Variants in SLC35E2B observed in about 807,000 individuals in gnomAD.
SLC35E2B encodes the protein solute carrier family 35 member E2B, also known as solute carrier family 35, member E2B.
Under a neutral mutation model 32.4 loss-of-function variants are expected in SLC35E2B, and 18 were observed. The ratio of observed to expected loss-of-function variants is 0.56; its 90% CI spans 0.38 to 0.82. The LOEUF (loss-of-function observed/expected upper bound fraction) is 0.82, where lower values mean the gene tolerates loss of function less well. SLC35E2B is among the 40% of genes least tolerant of loss of function. The pLI, the probability that SLC35E2B is intolerant of heterozygous loss-of-function variation, is 0.00. For synonymous variants in SLC35E2B, 132 were observed against 209.1 expected (o/e 0.63, Z 3.18); for missense variants, 263 against 469.5 (o/e 0.56, Z 4.06).
rs780556613 is a variant in SLC35E2B at position 1,665,881 on chromosome 1, G to A, written c.1119C>T (p.His373=). 22 of 1,551,032 alleles carry A rather than the reference G, an allele frequency of 1.4e-5. No individual in the cohort carries two copies. The South Asian group carries it at 2.1e-4, about 15-fold the overall frequency. Residue 373 remains histidine, a synonymous_variant, in exon 10 of 10, where the codon CAC becomes CAT. Coordinates refer to ENST00000617444, the MANE Select transcript of SLC35E2B (RefSeq NM_001290264.2). ...CCAGGCTCTGCAGCGCCTCCTGCTGGTGTTGCCTGGCTTTGTTGTAGAGCA... is the reference window on the plus strand; with the variant it reads ...CCAGGCTCTGCAGCGCCTCCTGCTGATGTTGCCTGGCTTTGTTGTAGAGCA... ...GVLLYNKARQ[H]QQEALQSLAA...
intron 8 of SLC35E2B, 126 bp downstream of exon 8, chr1:1,669,538 G>C (rs1208020791): frequency 3.2e-6 from 3 of 932,238 alleles, no homozygotes; most frequent in African/African-American, 3.3e-5. Context: ...CAGCTAAGCA[G>C]GACCCGCAGC....
At chr1:1,687,775 G>A (rs1212708591) in intron 2 of SLC35E2B, among the ~76,000 whole-genome samples, 1 of 151,078 alleles carries the variant, frequency 6.6e-6, no homozygotes, top group Non-Finnish European at 1.5e-5. Flanking sequence ...GGTGCCTGTA[G>A]TCCCAGCCAC....
At chr1:1,667,723 C>T (rs1412208232) in intron 9 of SLC35E2B, among the ~76,000 whole-genome samples, 3 of 152,200 alleles carry the variant, frequency 2.0e-5, no homozygotes, top group African/African-American at 2.4e-5. Context: ...CTAGTCGCAA[C>T]GCCCGACTAT....
intron 2 of SLC35E2B, among the ~76,000 whole-genome samples, chr1:1,681,766 C>T (rs538921390): frequency 1.3e-5 from 2 of 149,378 alleles, no homozygotes; most frequent in East Asian, 2.0e-4. Context: ...CAGAGGGATC[C>T]CGAGGTCAGG....
intron 5 of SLC35E2B, among the ~76,000 whole-genome samples, 155 bp from the exon 6 acceptor site, chr1:1,671,784 C>T (rs1643699977): frequency 1.3e-5 from 2 of 152,206 alleles, no homozygotes; most frequent in African/African-American, 4.8e-5. Context: ...TGAGATAAAG[C>T]AAATCAAAGT....
chr1:1,689,169 C>CA lies in SLC35E2B; in HGVS notation c.-148+1806dup, dbSNP rs202131897. 3.1e-3 allele frequency among the ~76,000 whole-genome samples: 462 copies of CA among 149,534 alleles called. 4 individuals carry two copies. The highest frequency in any genetic ancestry group is 8.7e-3 in the African/African-American group (352 of 40,660). ...CCTGGCTGACAGAGCGAGACTGTCT[C>CA]AAAAAAAAACAAACAAACAGGTCTG... On this transcript the variant is annotated intron_variant, in intron 2 of 9. Coordinates refer to ENST00000617444, the MANE Select transcript of SLC35E2B (RefSeq NM_001290264.2).
At chr1:1,671,912 T>C in intron 5 of SLC35E2B, 1 of 269,402 alleles carries the variant, frequency 3.7e-6, no homozygotes, top group Non-Finnish European at 7.0e-6. Context: ...GAAACCTTCC[T>C]GATTCTGTGA....
At chr1:1,667,957 A>C (rs1643587864) in intron 9 of SLC35E2B, among the ~76,000 whole-genome samples, 1 of 150,482 alleles carries the variant, frequency 6.6e-6, no homozygotes, top group South Asian at 2.1e-4. Flanking sequence ...GATTCAAGTG[A>C]TTCTCCTGCC....
chr1:1,685,706 GC>G (rs968760454), intron 2 of SLC35E2B, among the ~76,000 whole-genome samples: 1 of 152,166 alleles, frequency 6.6e-6, no homozygotes, highest in Non-Finnish European at 1.5e-5. Flanking sequence ...AGCAGAACAA[GC>G]CCTGGGAACT....
At chr1:1,685,176 C>G (rs1183295490) in intron 2 of SLC35E2B, among the ~76,000 whole-genome samples, 1 of 151,090 alleles carries the variant, frequency 6.6e-6, no homozygotes, top group Admixed American at 6.6e-5. Flanking sequence ...AATCCTAGCA[C>G]TTTGGGAGAC....
chr1:1,669,587 G>A (rs1244533739), intron 8 of SLC35E2B, 77 bp downstream of exon 8: 67 of 1,406,818 alleles, frequency 4.8e-5, no homozygotes, highest in South Asian at 1.1e-4. Context: ...GCCTGGAAAC[G>A]GAAGTCATTC....
intron 5 of SLC35E2B, 75 bp from the exon 6 acceptor site, chr1:1,671,704 A>G (rs1643697175): frequency 7.3e-7 from 1 of 1,372,128 alleles, no homozygotes; most frequent in South Asian, 1.6e-5. Context: ...GGCTGTTTCC[A>G]TCCCCTCTTA....
intron 5 of SLC35E2B, among the ~76,000 whole-genome samples, chr1:1,674,629 A>C (rs1385480038): frequency 5.4e-5 from 7 of 128,514 alleles, no homozygotes; most frequent in Non-Finnish European, 3.8e-5. Flanking sequence ...AAACATAAAA[A>C]AAACAAAAAA....
chr1:1,687,086 G>A (rs967760333), intron 2 of SLC35E2B, among the ~76,000 whole-genome samples: 2 of 152,084 alleles, frequency 1.3e-5, no homozygotes, highest in African/African-American at 4.8e-5. Context: ...ATAAAAAGAA[G>A]AAAGAAGATG....
rs1393937065 is a variant in SLC35E2B, at chr1:1,680,833, C to G, written c.-147-3987G>C. 1.3e-5 allele frequency among the ~76,000 whole-genome samples: 2 copies of G among 150,186 alleles called. 1 individual carries two copies. Among genetic ancestry groups the G allele is most frequent in the Admixed American group, 1.3e-4 (2 of 15,092 alleles). On this transcript the variant is annotated intron_variant, in intron 2 of 9. Coordinates refer to ENST00000617444, the MANE Select transcript of SLC35E2B (RefSeq NM_001290264.2). Reference sequence around the variant, plus strand: ...TTTTTTTTTTTTTTAGATGGAATCTCGATCTGTCGCCCAGGCTGGAGTTTA... The same window carrying G: ...TTTTTTTTTTTTTTAGATGGAATCTGGATCTGTCGCCCAGGCTGGAGTTTA...
chr1:1,673,968 G>GAAAAAAAAAAA (rs143198348), intron 5 of SLC35E2B: 7 of 109,228 alleles, frequency 6.4e-5, no homozygotes, highest in African/African-American at 1.3e-4. Context: ...TCTCAAAAAA[G>GAAAAAAAAAAA]AAAAAAAAAA....
chr1:1,678,957 C>G (rs999988251), intron 2 of SLC35E2B, among the ~76,000 whole-genome samples: 1 of 152,160 alleles, frequency 6.6e-6, no homozygotes, highest in African/African-American at 2.4e-5. Context: ...AGCAAAAGGA[C>G]AGAGCACTCG....
At chr1:1,679,095 G>C (rs1025580648) in intron 2 of SLC35E2B, among the ~76,000 whole-genome samples, 1 of 152,138 alleles carries the variant, frequency 6.6e-6, no homozygotes, top group Admixed American at 6.5e-5. Context: ...TGGGGACGCT[G>C]TCACAGCACC....
At chr1:1,683,537 C>T (rs2101114322) in intron 2 of SLC35E2B, among the ~76,000 whole-genome samples, 1 of 152,288 alleles carries the variant, frequency 6.6e-6, no homozygotes, top group Non-Finnish European at 1.5e-5. Flanking sequence ...CACCCCCTGC[C>T]CCCAGCACCA....
Sources: gnomAD v4.1 joint callset for allele counts (sites outside exome capture counted in the v4.1 genomes callset) on GRCh38, gnomAD v4.1.1 for gene constraint, MANE v1.5 for transcripts, NCBI Gene and HGNC (gene_info 2026-07-23, HGNC 2026-07-21) for gene names.